The following REEP5 variants were observed in gnomAD, a reference collection of about 807,000 sequenced individuals.
REEP5 encodes the protein receptor expression-enhancing protein 5.
REEP5 carries 24 observed loss-of-function variants against 22.4 expected under a neutral mutation model. The ratio of observed to expected loss-of-function variants is 1.07; its 90% CI spans 0.78 to 1.51. The LOEUF (loss-of-function observed/expected upper bound fraction) is 1.51. REEP5 is among the 40% of genes most tolerant of loss of function. The pLI, the probability that REEP5 is intolerant of heterozygous loss-of-function variation, is 0.00. For synonymous variants in REEP5, 103 were observed against 88.6 expected (o/e 1.16, Z -0.92); for missense variants, 252 against 233.0 (o/e 1.08, Z -0.53).
rs1768719555 is a variant in REEP5, at chr5:112,897,350, A to AACACACAC, written c.351+5029_351+5030insGTGTGTGT. The AACACACAC allele has an allele frequency of 6.9e-5, 9 of 129,572 alleles. No homozygotes were observed. The South Asian group carries it at 7.9e-4, about 11-fold the overall frequency. The allele number at this position is 129,572 out of a possible 1,614,324, so 8.0% of individuals were successfully genotyped here. ...TTCCTCCCTACATAAAACACATCCC[A>AACACACAC]TCACACACACACACACACACACACA... On this transcript the variant is annotated intron_variant, in intron 3 of 4. Transcript: ENST00000379638.
At chr5:112,896,432 A>C (rs957144405) in intron 3 of REEP5, 30 of 152,358 alleles carry the variant, frequency 2.0e-4, no homozygotes, top group African/African-American at 7.2e-4. Context: ...CTGAGGCAGG[A>C]GAATTGCTTG....
In REEP5 at chr5:112,908,103, T is replaced by G. The variant is rs999446234; in HGVS notation, c.213-5585A>C. Among the ~76,000 whole-genome samples the G allele has an allele frequency of 3.7e-4, 53 of 143,766 alleles. 1 individual carries two copies. The highest frequency in any genetic ancestry group is 1.2e-3 in the African/African-American group (45 of 38,944). The allele number at this position is 143,766 out of a possible 152,430, so 94.3% of individuals were successfully genotyped here. A position where few individuals can be genotyped will look rare whatever the true frequency, so the allele number is the denominator to read the frequency against. On this transcript the variant is annotated intron_variant, in intron 2 of 4. Transcript: ENST00000379638. Reference sequence around the variant, plus strand: ...ATCAGAGACTTTCTTTGTTTTTTGTTTTTTTTTTTTTTTTTTGATGGAGTC... The same window carrying G: ...ATCAGAGACTTTCTTTGTTTTTTGTGTTTTTTTTTTTTTTTTGATGGAGTC...
chr5:112,914,414 T>A (rs544526258), intron 2 of REEP5, among the ~76,000 whole-genome samples: 1 of 152,000 alleles, frequency 6.6e-6, no homozygotes, highest in East Asian at 2.0e-4. Context: ...TTTTTTGTAT[T>A]TTTTGTAGAG....
chr5:112,909,936 C>T (rs1769054057), intron 2 of REEP5, among the ~76,000 whole-genome samples: 1 of 152,202 alleles, frequency 6.6e-6, no homozygotes, highest in South Asian at 2.1e-4. Context: ...TGACCCATGA[C>T]ACAAGTAAGC....
intron 3 of REEP5, chr5:112,892,272 T>A: frequency 6.2e-7 from 1 of 1,614,132 alleles, no homozygotes; most frequent in South Asian, 1.1e-5. Flanking sequence ...AGAGCATGTT[T>A]ACAACGTTTG....
At chr5:112,884,485 C>T (rs1768170693) in intron 4 of REEP5, among the ~76,000 whole-genome samples, 1 of 151,326 alleles carries the variant, frequency 6.6e-6, no homozygotes, top group African/African-American at 2.4e-5. Context: ...CCAAGTGATC[C>T]TCCTGCCTCA....
intron 2 of REEP5, among the ~76,000 whole-genome samples, chr5:112,905,407 G>A (rs1768933127): frequency 6.6e-6 from 1 of 151,968 alleles, no homozygotes; most frequent in African/African-American, 2.4e-5. Flanking sequence ...CGGGCGTGGT[G>A]GCACATGCCT....
chr5:112,877,552 A>G lies in REEP5; in HGVS notation c.*1234T>C, dbSNP rs779205239. ...CAACACAAAGAATACGGATGAGGGC[A>G]TTTAAATGGACTACAAGTGACTCTG... On this transcript the variant is annotated 3_prime_UTR_variant, in exon 5 of 5. Transcript: ENST00000379638. The G allele has an allele frequency of 2.6e-5, 4 of 152,168 alleles. No individual in the cohort carries two copies. The highest frequency in any genetic ancestry group is 4.4e-5 in the Non-Finnish European group (3 of 68,032). 9.4% of individuals were successfully genotyped at this position (152,168 alleles called of 1,614,324 possible). A position where few individuals can be genotyped will look rare whatever the true frequency, so the allele number is the denominator to read the frequency against.
intron 2 of REEP5, among the ~76,000 whole-genome samples, chr5:112,916,250 A>G (rs953934672): frequency 4.6e-5 from 7 of 152,094 alleles, no homozygotes; most frequent in South Asian, 2.1e-4. Context: ...AGATATTTTC[A>G]TTGTTTTTTT....
chr5:112,881,343 C>T (rs1003002813), intron 4 of REEP5, among the ~76,000 whole-genome samples: 2 of 152,022 alleles, frequency 1.3e-5, no homozygotes, highest in African/African-American at 2.4e-5. Flanking sequence ...TTTACTTCCC[C>T]ATGGTCAGGC....
intron 4 of REEP5, among the ~76,000 whole-genome samples, chr5:112,879,525 G>A (rs544154005): frequency 5.9e-5 from 9 of 152,270 alleles, no homozygotes; most frequent in East Asian, 1.9e-4. Flanking sequence ...CCAGCCTGGA[G>A]TGCAGTGGCG....
intron 4 of REEP5, among the ~76,000 whole-genome samples, chr5:112,880,239 C>T (rs984698837): frequency 6.6e-6 from 1 of 152,088 alleles, no homozygotes; most frequent in East Asian, 1.9e-4. Flanking sequence ...ACAGTGAGAG[C>T]CCATCTCTAT....
At chr5:112,887,818 C>T (rs997176234) in intron 3 of REEP5, among the ~76,000 whole-genome samples, 2 of 152,030 alleles carry the variant, frequency 1.3e-5, no homozygotes, top group Non-Finnish European at 2.9e-5. Flanking sequence ...AAGAATTCTG[C>T]CCTAATTACT....
chr5:112,905,834 C>G (rs1295782101), intron 2 of REEP5, among the ~76,000 whole-genome samples: 1 of 152,020 alleles, frequency 6.6e-6, no homozygotes, highest in Non-Finnish European at 1.5e-5. Context: ...GTTCCCCAGG[C>G]TGGTCTCAAA....
At position 112,904,999 on chromosome 5, in the gene REEP5, A is replaced by T. The variant is rs368099983; in HGVS notation, c.213-2481T>A. 5.9e-5 allele frequency among the ~76,000 whole-genome samples: 9 copies of T among 152,328 alleles called. No individual in the cohort carries two copies. The East Asian group carries it at 1.3e-3, about 23-fold the overall frequency. ...CCAAGGCATATGAAAGAAGCCAGGA[A>T]AAGGCCAATGAGTCTATTAAGCTAA... On this transcript the variant is annotated intron_variant, in intron 2 of 4. Coordinates refer to ENST00000379638, the MANE Select transcript of REEP5 (RefSeq NM_005669.5).
chr5:112,891,457 C>A (rs1175286778), intron 3 of REEP5: 7 of 696,300 alleles, frequency 1.0e-5, no homozygotes, highest in Non-Finnish European at 1.6e-5. Flanking sequence ...AAAAGTCTAA[C>A]TGCAATATAA....
intron 3 of REEP5, among the ~76,000 whole-genome samples, chr5:112,888,735 G>C (rs1202779979): frequency 6.6e-6 from 1 of 150,966 alleles, no homozygotes; most frequent in East Asian, 2.0e-4. Context: ...TTAAGACAGA[G>C]ACTTGCTAGG....
Position 112,877,723 on chromosome 5 carries a change from C to T in REEP5, c.*1063G>A, listed in dbSNP as rs1178033505. 3 of 152,142 alleles carry T rather than the reference C, an allele frequency of 2.0e-5. No homozygotes were observed. The highest frequency in any genetic ancestry group is 4.4e-5 in the Non-Finnish European group (3 of 68,000). 9.4% of individuals were successfully genotyped at this position (152,142 alleles called of 1,614,324 possible). A position where few individuals can be genotyped will look rare whatever the true frequency, so the allele number is the denominator to read the frequency against. On this transcript the variant is annotated 3_prime_UTR_variant, in exon 5 of 5. Transcript: ENST00000379638. ...CAGAATTGCTCTTAGAGCTAGGTGT[C>T]GTCATTAGCATGTTGTTGCTAATGA... is the stretch of plus-strand genomic sequence containing the variant.
intron 1 of REEP5, 162 bp downstream of exon 1, chr5:112,921,911 C>A: frequency 2.2e-6 from 2 of 897,702 alleles, no homozygotes; most frequent in South Asian, 4.1e-5. Flanking sequence ...TCCTCCGATG[C>A]CCACGCTTTC....
Sources: allele counts gnomAD v4.1 joint callset (sites outside exome capture counted in the v4.1 genomes callset), GRCh38; gene constraint gnomAD v4.1.1; transcripts MANE v1.5; gene names NCBI Gene and HGNC (gene_info 2026-07-23, HGNC 2026-07-21).